Variants in ROBO2 observed in about 807,000 individuals in gnomAD.
ROBO2 encodes the protein roundabout guidance receptor 2, also known as roundabout homolog 2.
ROBO2 carries 53 observed loss-of-function variants against 160.8 expected under a neutral mutation model. The observed-to-expected ratio is 0.33, with a 90% CI of 0.26 to 0.41. The LOEUF is 0.41. Ranked by LOEUF, ROBO2 falls within the 10% of genes least tolerant of loss-of-function variation. The pLI is 1.00. For synonymous variants in ROBO2, 664 were observed against 611.7 expected, an observed-to-expected ratio of 1.09 and a Z score of -1.26; for missense variants, 1,577 against 1,722.4, an observed-to-expected ratio of 0.92 and a Z score of 1.49.
intron 2 of ROBO2, among the ~76,000 whole-genome samples, chr3:76,483,624 T>G (rs181388463): frequency 2.0e-5 from 3 of 152,290 alleles, no homozygotes; most frequent in Admixed American, 1.3e-4. Flanking sequence ...AAAGAACGCT[T>G]GTGTCACAGA....
chr3:76,220,475 T>C (rs1357205961), intron 2 of ROBO2, among the ~76,000 whole-genome samples: 1 of 152,098 alleles, frequency 6.6e-6, no homozygotes, highest in Non-Finnish European at 1.5e-5. Context: ...AGGAGACCAG[T>C]GAGGCTGCTT....
chr3:77,128,458 A>G (rs2075552631), intron 2 of ROBO2, among the ~76,000 whole-genome samples: 1 of 152,196 alleles, frequency 6.6e-6, no homozygotes, highest in South Asian at 2.1e-4. Flanking sequence ...CATGGATAAG[A>G]AGGGACTGCT....
chr3:76,543,675 G>T (rs1560121765), intron 2 of ROBO2, among the ~76,000 whole-genome samples: 1 of 151,964 alleles, frequency 6.6e-6, no homozygotes, highest in Non-Finnish European at 1.5e-5. Context: ...GGGTTGTTAG[G>T]AAGAATAGAA....
chr3:76,258,986 G>A (rs934881711), intron 2 of ROBO2, among the ~76,000 whole-genome samples: 1 of 151,964 alleles, frequency 6.6e-6, no homozygotes, highest in Non-Finnish European at 1.5e-5. Context: ...TTATCATTTA[G>A]TTAAAAAGAC....
At chr3:77,126,225 C>G (rs1006486153) in intron 2 of ROBO2, among the ~76,000 whole-genome samples, 7 of 152,116 alleles carry the variant, frequency 4.6e-5, no homozygotes, top group Non-Finnish European at 8.8e-5. Flanking sequence ...AGGAATAAAG[C>G]TTTAAACCAT....
chr3:76,701,847 C>CT (rs1022159807), intron 2 of ROBO2, among the ~76,000 whole-genome samples: 1 of 95,848 alleles, frequency 1.0e-5, no homozygotes, highest in African/African-American at 4.8e-5. Context: ...GTGTAGCAGT[C>CT]TAAAAAAAAA....
chr3:75,925,963 A>C (rs1274974693), intron 1 of ROBO2, among the ~76,000 whole-genome samples: 1 of 151,776 alleles, frequency 6.6e-6, no homozygotes, highest in Non-Finnish European at 1.5e-5. Context: ...ATTTTCTTAA[A>C]AGTAAACAAA....
intron 2 of ROBO2, among the ~76,000 whole-genome samples, chr3:76,033,291 C>G (rs2066989897): frequency 7.0e-6 from 1 of 142,470 alleles, no homozygotes; most frequent in South Asian, 2.1e-4. Context: ...AGCTGTGACA[C>G]ATACACACAC....
intron 2 of ROBO2, among the ~76,000 whole-genome samples, chr3:76,151,180 TA>T (rs1373573235): frequency 6.6e-6 from 1 of 152,120 alleles, no homozygotes; most frequent in Non-Finnish European, 1.5e-5. Context: ...TTCATATAAC[TA>T]AAACAGTCCA....
intron 2 of ROBO2, among the ~76,000 whole-genome samples, chr3:76,570,224 A>G (rs989009119): frequency 6.6e-6 from 1 of 152,192 alleles, no homozygotes; most frequent in African/African-American, 2.4e-5. Context: ...CTGGGCTCCA[A>G]TGGAGCTATT....
intron 2 of ROBO2, among the ~76,000 whole-genome samples, chr3:76,007,273 CAG>C (rs1009610310): frequency 1.2e-4 from 19 of 152,120 alleles, no homozygotes; most frequent in East Asian, 3.9e-4. Flanking sequence ...TTTTATCAAA[CAG>C]AGATTATGCA....
At chr3:76,230,562 C>A (rs1704561388) in intron 2 of ROBO2, among the ~76,000 whole-genome samples, 1 of 152,092 alleles carries the variant, frequency 6.6e-6, no homozygotes, top group South Asian at 2.1e-4. Context: ...CATGAATACT[C>A]TTTCCCTGGC....
chr3:77,342,581 G>A (rs752482650), intron 2 of ROBO2, among the ~76,000 whole-genome samples: 16 of 152,044 alleles, frequency 1.1e-4, no homozygotes, highest in African/African-American at 3.4e-4. Context: ...GCACCTTAAG[G>A]GGTGCTAGGA....
At chr3:76,283,019 CTTTAT>C (rs1289217912) in intron 2 of ROBO2, among the ~76,000 whole-genome samples, 2 of 111,664 alleles carry the variant, frequency 1.8e-5, no homozygotes, top group South Asian at 3.0e-4. Flanking sequence ...TTTATTTTTT[CTTTAT>C]TTTAAGAAAA....
At chr3:76,187,100 A>G (rs1403980070) in intron 2 of ROBO2, among the ~76,000 whole-genome samples, 1 of 151,862 alleles carries the variant, frequency 6.6e-6, no homozygotes, top group East Asian at 1.9e-4. Context: ...TCTTGGATAT[A>G]AACATTGTCT....
chr3:77,055,395 C>G (rs964560130), intron 1 of ROBO2, among the ~76,000 whole-genome samples: 3 of 152,096 alleles, frequency 2.0e-5, no homozygotes, highest in Non-Finnish European at 4.4e-5. Context: ...TCACTGGGGA[C>G]TCCTTTTCTG....
chr3:76,185,215 T>TAGATAGATATATATATATATATATAC, intron 2 of ROBO2, among the ~76,000 whole-genome samples: 1 of 90,288 alleles, frequency 1.1e-5, no homozygotes, highest in African/African-American at 3.8e-5. Flanking sequence ...TATATATATA[T>TAGATAGATATATATATATATATATAC]ACACACACAA....
chr3:76,398,216 A>G (rs1473195496), intron 2 of ROBO2, among the ~76,000 whole-genome samples: 3 of 151,868 alleles, frequency 2.0e-5, no homozygotes, highest in South Asian at 2.1e-4. Flanking sequence ...TCAGTAAACT[A>G]TCGCAAGGAG....
chr3:76,916,961 CAACT>C lies in ROBO2; in HGVS notation c.110-181052_110-181049del, dbSNP rs547929927. On this transcript the variant is annotated intron_variant, in intron 2 of 26. Transcript: ENST00000487694. ...GAAACTTCTAGTTGAATTTTCTAAC[CAACT>C]GTCAGCCCATCCTCTCCCCGCAAAC... 9.2e-5 allele frequency among the ~76,000 whole-genome samples: 14 copies of C among 152,130 alleles called. No homozygotes were observed. The South Asian group carries it at 2.5e-3, about 27-fold the overall frequency.
Sources: allele counts gnomAD v4.1 joint callset (sites outside exome capture counted in the v4.1 genomes callset), GRCh38; gene constraint gnomAD v4.1.1; transcripts MANE v1.5; gene names NCBI Gene and HGNC (gene_info 2026-07-23, HGNC 2026-07-21).